Variants in CERCAM observed in about 807,000 individuals in gnomAD.
CERCAM encodes the protein cerebral endothelial cell adhesion molecule.
In CERCAM, 59 loss-of-function variants were observed where a neutral mutation model predicts 66.0. The observed-to-expected ratio is 0.89, with a 90% confidence interval of 0.73 to 1.11. The LOEUF is 1.11. Among genes scored for constraint, CERCAM ranks in the 50% most tolerant of loss-of-function variants. The pLI is 0.00. For missense variants in CERCAM, 840 were observed against 828.3 expected (o/e 1.01, Z -0.17); for synonymous variants, 318 against 343.6 (o/e 0.93, Z 0.83).
intron 5 of CERCAM, among the ~76,000 whole-genome samples, chr9:128,426,671 T>A (rs1379083682): frequency 6.6e-6 from 1 of 150,926 alleles, no homozygotes; most frequent in East Asian, 1.9e-4. Flanking sequence ...GTGGAGACAC[T>A]GATGTTGGAG....
At chr9:128,419,847 AGAGGGCTGT>A (rs1437644067), upstream of CERCAM, 4 of 149,884 alleles carry the variant, frequency 2.7e-5, no homozygotes, top group African/African-American at 9.8e-5. Context: ...TCAGACCAAG[AGAGGGCTGT>A]GAGGGCTGTG....
intron 6 of CERCAM, 149 bp downstream of exon 6, chr9:128,428,570 C>T (rs1043419586): frequency 1.0e-4 from 122 of 1,197,226 alleles, no homozygotes; most frequent in Non-Finnish European, 1.4e-4. Flanking sequence ...GAGAAAGTCC[C>T]TTTCCCTGTT....
intron 12 of CERCAM, among the ~76,000 whole-genome samples, chr9:128,436,579 C>G (rs1195928531): frequency 6.6e-6 from 1 of 151,992 alleles, no homozygotes; most frequent in East Asian, 1.9e-4. Context: ...AGGGTGTCAT[C>G]ATGTTGGCCA....
At chr9:128,421,312 C>A (rs772519501) in intron 1 of CERCAM, 21 of 1,222,722 alleles carry the variant, frequency 1.7e-5, no homozygotes, top group Non-Finnish European at 1.9e-5. Flanking sequence ...TCCTTCTGGT[C>A]CCCTACTCCT....
chr9:128,424,350 G>C, intron 4 of CERCAM, 60 bp from the exon 5 acceptor site: 2 of 1,612,348 alleles, frequency 1.2e-6, no homozygotes, highest in Non-Finnish European at 1.7e-6. Flanking sequence ...CTGAGGCCTT[G>C]GGGTCTGTGG....
In CERCAM at chr9:128,424,547, G is replaced by A. The variant is rs184727540; in HGVS notation, c.699G>A (p.Pro233=). 217 of 1,614,106 alleles carry A rather than the reference G, an allele frequency of 1.3e-4. No individual in the cohort carries two copies. Among genetic ancestry groups the A allele is most frequent in the African/African-American group, 2.3e-4 (17 of 75,024 alleles). The change falls in exon 5 of 13, where the codon CCG becomes CCA. Residue 233 remains proline, a synonymous_variant. Coordinates refer to ENST00000372838, the MANE Select transcript of CERCAM (RefSeq NM_016174.5). ...AEGADQLAFY[P]PHPNYTWPFD... ...GGGCAGACCAGCTTGCTTTCTACCC[G>A]CCACATCCCAACTACACTTGGCCTT...
At position 128,423,175 on chromosome 9, in the gene CERCAM, A is replaced by G; in HGVS notation, c.338A>G (p.His113Arg). ...TACCCAGATGAAGAGGGTCCCAAGC[A>G]CTGGACCAAAGAAAGGCACCAGTTT... ...RFYPDEEGPKHWTKERHQFLM... is the reference protein window; with the variant it reads ...RFYPDEEGPKRWTKERHQFLM... The change falls in exon 3 of 13, where the codon CAC becomes CGC. Residue 113 changes from histidine (H) to arginine (R), a missense_variant. By Grantham distance (29) the His-to-Arg change is conservative. Coordinates refer to ENST00000372838, the MANE Select transcript of CERCAM (RefSeq NM_016174.5). 1.9e-6 allele frequency: 3 copies of G among 1,614,092 alleles called. No homozygotes were observed. The highest frequency in any genetic ancestry group is 2.5e-6 in the Non-Finnish European group (3 of 1,180,006).
rs112580796 is a variant in CERCAM, at chr9:128,429,940, C to T, written c.1070+904C>T. On this transcript the variant is annotated intron_variant, in intron 8 of 12. Coordinates refer to ENST00000372838, the MANE Select transcript of CERCAM (RefSeq NM_016174.5). Reference sequence around the variant, plus strand: ...AGTAGCTGTGATTACAGGCTTGCATCACCACACCCGGATTAAAAAAAATGT... The same window carrying T: ...AGTAGCTGTGATTACAGGCTTGCATTACCACACCCGGATTAAAAAAAATGT... Among the ~76,000 whole-genome samples the T allele has an allele frequency of 2.6e-5, 4 of 151,728 alleles. 1 individual carries two copies. In the East Asian group the frequency reaches 5.8e-4, roughly 22 times the overall value.
At position 128,431,280 on chromosome 9, in the gene CERCAM, A is replaced by C; in HGVS notation, c.1180A>C (p.Ser394Arg). ...CAAGGGCGAGGTGGGCTGCTTCCTC[A>C]GCCATTACTCCATCTGGGAAGAGGT... ...LTKGEVGCFL[S>R]HYSIWEEVVA... Residue 394 changes from serine to arginine, a missense_variant, in exon 9 of 13, where the codon AGC (serine) becomes CGC (arginine). Coordinates refer to ENST00000372838, the MANE Select transcript of CERCAM (RefSeq NM_016174.5). 1 of 1,614,066 alleles carries C rather than the reference A, an allele frequency of 6.2e-7. No homozygotes were observed. Among genetic ancestry groups the C allele is most frequent in the Non-Finnish European group, 8.5e-7 (1 of 1,180,012 alleles).
chr9:128,430,939 G>A (rs1833959957), intron 8 of CERCAM: 4 of 446,136 alleles, frequency 9.0e-6, no homozygotes, highest in Non-Finnish European at 1.6e-5. Flanking sequence ...AACCTGGGAG[G>A]TAGAGGTTTC....
chr9:128,429,865 T>G (rs1334776866), intron 8 of CERCAM, among the ~76,000 whole-genome samples: 1 of 152,050 alleles, frequency 6.6e-6, no homozygotes, highest in Admixed American at 6.6e-5. Context: ...CTTGGCTCAC[T>G]GCAACATCCG....
rs752991899 is a variant in CERCAM at position 128,434,080 on chromosome 9, C to G, written c.1204-22C>G. On this transcript the variant is annotated intron_variant, in intron 9 of 12. Coordinates refer to ENST00000372838, the MANE Select transcript of CERCAM (RefSeq NM_016174.5). This position sits in a 1 kb window ranked among gnomAD's most constrained non-coding sequence, Gnocchi z 4.5. Reference sequence around the variant, plus strand: ...GTTGTTTAACTCCGAAGAGCCATCTCCCACCCCATTGTATGCCACAGGTGG... The same window carrying G: ...GTTGTTTAACTCCGAAGAGCCATCTGCCACCCCATTGTATGCCACAGGTGG... 4 of 1,613,340 alleles carry G rather than the reference C, an allele frequency of 2.5e-6. No homozygotes were observed. The East Asian group carries it at 8.9e-5, about 36-fold the overall frequency.
chr9:128,434,821 C>CT lies in CERCAM; in HGVS notation c.1535+216dup, dbSNP rs1332377387. 6.6e-6 allele frequency among the ~76,000 whole-genome samples: 1 copy of CT among 151,708 alleles called. No individual in the cohort carries two copies. Among genetic ancestry groups the CT allele is most frequent in the African/African-American group, 2.4e-5 (1 of 41,268 alleles). On this transcript the variant is annotated intron_variant, in intron 11 of 12. Transcript: ENST00000372838. The surrounding 1 kb of genome is among the most constrained non-coding windows in gnomAD (Gnocchi z 4.5). ...GTGTACTTTGCACAGTGCATGCAGG[C>CT]TTTTTTTTGAAATGGAGTCTTGCTC...
Position 128,420,935 on chromosome 9 carries a change from C to T in CERCAM, c.58C>T (p.Leu20=). The T allele has an allele frequency of 1.4e-6, 2 of 1,450,098 alleles. No homozygotes were observed. Among genetic ancestry groups the T allele is most frequent in the Non-Finnish European group, 9.1e-7 (1 of 1,103,280 alleles). The allele number at this position is 1,450,098 out of a possible 1,614,324, so 89.8% of individuals were successfully genotyped here. A position where few individuals can be genotyped will look rare whatever the true frequency, so the allele number is the denominator to read the frequency against. The change falls in exon 1 of 13, where the codon CTG becomes TTG. Residue 20 remains leucine, a synonymous_variant. Coordinates refer to ENST00000372838, the MANE Select transcript of CERCAM (RefSeq NM_016174.5). This position sits in a 1 kb window ranked among gnomAD's most constrained non-coding sequence, Gnocchi z 5.0. The stretch of plus-strand genomic sequence containing the variant: ...GCTGCTGCTCCTGCTGGGGCCGTGG[C>T]TGGAGGCTGCGGGCGTTGCGGAGTC... ...LQLLLLLGPW[L]EAAGVAESPL... is the part of the protein sequence containing the mutation.
Position 128,426,997 on chromosome 9 carries a change from G to A in CERCAM, c.767-1305G>A, listed in dbSNP as rs916318535. On this transcript the variant is annotated intron_variant, in intron 5 of 12. Coordinates refer to ENST00000372838, the MANE Select transcript of CERCAM (RefSeq NM_016174.5). The stretch of plus-strand genomic sequence containing the variant: ...GCTAGCCCTACTTCAAGCGACAGCC[G>A]TTGTTAATTGGTCAATGGTTTGAAG... Among the ~76,000 whole-genome samples, 6 of 152,322 alleles carry A rather than the reference G, an allele frequency of 3.9e-5. No homozygotes were observed. The South Asian group carries it at 1.0e-3, about 26-fold the overall frequency.
intron 12 of CERCAM, 27 bp downstream of exon 12, chr9:128,435,932 A>C (rs776921980): frequency 6.1e-5 from 96 of 1,577,994 alleles, no homozygotes; most frequent in Middle Eastern, 2.0e-4. Context: ...AAGAGGCCCC[A>C]GCCCCGTAGA....
intron 9 of CERCAM, among the ~76,000 whole-genome samples, chr9:128,433,376 G>A (rs1030844085): frequency 2.0e-5 from 3 of 151,942 alleles, no homozygotes; most frequent in Non-Finnish European, 4.4e-5. Context: ...ACTTGAACCC[G>A]GGAGGCAGAG....
rs1450463782 is a variant in CERCAM, at chr9:128,435,888, C to T, written c.1771C>T (p.Pro591Ser). The change falls in exon 12 of 13, where the codon CCC becomes TCC. Residue 591 changes from proline (P) to serine (S), a missense_variant. By Grantham distance (74) the Pro-to-Ser change is moderately conservative. Coordinates refer to ENST00000372838, the MANE Select transcript of CERCAM (RefSeq NM_016174.5). Reference sequence around the variant, plus strand: ...CAGCGGGCACAGCCTCCAACCCCAGCCCCGAGATGAGCTCTAGGTGAGGCC... The same window carrying T: ...CAGCGGGCACAGCCTCCAACCCCAGTCCCGAGATGAGCTCTAGGTGAGGCC... The part of the protein sequence containing the change: ...GSSGHSLQPQ[P>S]RDEL 4 of 1,605,462 alleles carry T rather than the reference C, an allele frequency of 2.5e-6. No homozygotes were observed. The highest frequency in any genetic ancestry group is 1.1e-5 in the South Asian group (1 of 90,380).
At chr9:128,423,735 T>C (rs1833770201) in intron 3 of CERCAM, among the ~76,000 whole-genome samples, 1 of 152,114 alleles carries the variant, frequency 6.6e-6, no homozygotes, top group South Asian at 2.1e-4. Context: ...GATCCCTATG[T>C]TAAAAGCTCA....
Sources: allele counts gnomAD v4.1 joint callset (sites outside exome capture counted in the v4.1 genomes callset), GRCh38; gene constraint gnomAD v4.1.1; non-coding constraint Gnocchi (gnomAD v3.1); transcripts MANE v1.5; gene names NCBI Gene and HGNC (gene_info 2026-07-23, HGNC 2026-07-21).